The following CYP2C18 variants were observed in gnomAD, a reference collection of about 807,000 sequenced individuals.
CYP2C18 encodes cytochrome P450 2C18.
CYP2C18 carries 38 observed loss-of-function variants against 41.3 expected under a neutral mutation model. That is an observed-to-expected ratio of 0.92 (90% CI 0.71 to 1.21). The LOEUF is 1.21. Ranked by LOEUF, CYP2C18 falls within the 50% of genes most tolerant of loss-of-function variation. The pLI is 0.00. For missense variants in CYP2C18, 635 were observed against 591.4 expected (o/e 1.07, Z -0.77); for synonymous variants, 236 against 210.0 (o/e 1.12, Z -1.07).
intron 8 of CYP2C18, among the ~76,000 whole-genome samples, chr10:94,734,322 T>A (rs1380814986): frequency 6.6e-6 from 1 of 152,172 alleles, no homozygotes; most frequent in Non-Finnish European, 1.5e-5. Context: ...CTTCATTTTT[T>A]CCTCTGGCTT....
At position 94,690,453 on chromosome 10, in the gene CYP2C18, C is replaced by T. The variant is rs544122470; in HGVS notation, c.481+2179C>T. Among the ~76,000 whole-genome samples the T allele has an allele frequency of 3.4e-3, 513 of 152,194 alleles. 1 individual carries two copies. The highest frequency in any genetic ancestry group is 0.012 in the African/African-American group (496 of 41,526). On this transcript the variant is annotated intron_variant, in intron 3 of 8. Coordinates refer to ENST00000285979, the MANE Select transcript of CYP2C18 (RefSeq NM_000772.3). Reference sequence around the variant, plus strand: ...ATCTAGAAGAAATGGATAAATTTCTCGACACATACACTCTCCCAAGACTAA... The same window carrying T: ...ATCTAGAAGAAATGGATAAATTTCTTGACACATACACTCTCCCAAGACTAA...
chr10:94,688,239 C>T lies in CYP2C18; in HGVS notation c.446C>T (p.Ala149Val), dbSNP rs1466095186. The change falls in exon 3 of 9, where the codon GCC (alanine) becomes GTC (valine). Residue 149 changes from alanine to valine, a missense_variant. Coordinates refer to ENST00000285979, the MANE Select transcript of CYP2C18 (RefSeq NM_000772.3). ...ATCGAGGACCGTGTTCAAGAGGAAGCCCGCTGCCTTGTGGAGGAGTTGAGA... is the reference window on the plus strand; with the variant it reads ...ATCGAGGACCGTGTTCAAGAGGAAGTCCGCTGCCTTGTGGAGGAGTTGAGA... ...RSIEDRVQEE[A>V]RCLVEELRKT... 1 of 1,613,106 alleles carries T rather than the reference C, an allele frequency of 6.2e-7. No individual in the cohort carries two copies. The highest frequency in any genetic ancestry group is 1.7e-4 in the Middle Eastern group (1 of 6,040).
At chr10:94,729,546 G>A (rs1241396468) in intron 7 of CYP2C18, among the ~76,000 whole-genome samples, 1 of 151,924 alleles carries the variant, frequency 6.6e-6, no homozygotes, top group Non-Finnish European at 1.5e-5. Context: ...TAGAAACAAG[G>A]AAACAAAACA....
chr10:94,735,130 G>T, intron 8 of CYP2C18, 133 bp from the exon 9 acceptor site: 2 of 887,020 alleles, frequency 2.3e-6, no homozygotes, highest in Non-Finnish European at 3.5e-6. Flanking sequence ...TGTGTATCCA[G>T]CCATCCTTCC....
intron 1 of CYP2C18, 110 bp from the exon 2 acceptor site, chr10:94,687,660 A>G: frequency 1.0e-6 from 1 of 1,002,826 alleles, no homozygotes; most frequent in South Asian, 1.6e-5. Flanking sequence ...GCTGTATTTG[A>G]CAGAATAATC....
intron 4 of CYP2C18, among the ~76,000 whole-genome samples, chr10:94,701,082 A>C (rs1224299412): frequency 6.6e-6 from 1 of 152,196 alleles, no homozygotes; most frequent in East Asian, 1.9e-4. Context: ...TGATCTAGAA[A>C]TAGAAGTACC....
chr10:94,692,347 C>G (rs989028025), intron 3 of CYP2C18, among the ~76,000 whole-genome samples: 10 of 151,930 alleles, frequency 6.6e-5, no homozygotes, highest in Non-Finnish European at 1.3e-4. Context: ...AGATCCCCAT[C>G]AAAAAGTGGG....
intron 8 of CYP2C18, 44 bp downstream of exon 8, chr10:94,733,482 C>A (rs768706552): frequency 6.2e-7 from 1 of 1,607,444 alleles, no homozygotes; most frequent in Non-Finnish European, 8.5e-7. Context: ...GCACATGATA[C>A]CTTTTTGGGA....
chr10:94,697,996 C>T (rs1016115515), intron 4 of CYP2C18, among the ~76,000 whole-genome samples: 4 of 152,132 alleles, frequency 2.6e-5, no homozygotes, highest in African/African-American at 9.7e-5. Context: ...CCTTAGAGAC[C>T]TACGAAGAGA....
chr10:94,701,746 A>T (rs891961327), intron 4 of CYP2C18, among the ~76,000 whole-genome samples: 1 of 152,208 alleles, frequency 6.6e-6, no homozygotes, highest in African/African-American at 2.4e-5. Flanking sequence ...ACTTTCTGTC[A>T]TCTTGTCCAA....
At chr10:94,725,500 G>C (rs1847725031) in intron 7 of CYP2C18, among the ~76,000 whole-genome samples, 1 of 151,990 alleles carries the variant, frequency 6.6e-6, no homozygotes, top group African/African-American at 2.4e-5. Flanking sequence ...TTCCAGGACA[G>C]CGTTGAATAA....
At chr10:94,734,764 C>G (rs1397869572) in intron 8 of CYP2C18, among the ~76,000 whole-genome samples, 1 of 152,130 alleles carries the variant, frequency 6.6e-6, no homozygotes, top group Admixed American at 6.6e-5. Flanking sequence ...GCCATTTGGC[C>G]TTTATCCCAT....
intron 7 of CYP2C18, 95 bp downstream of exon 7, chr10:94,724,628 G>A: frequency 8.1e-7 from 1 of 1,231,052 alleles, no homozygotes; most frequent in South Asian, 1.3e-5. Context: ...GATGAGAGAA[G>A]TGTAAAATTC....
intron 4 of CYP2C18, among the ~76,000 whole-genome samples, chr10:94,699,718 T>C (rs767914348): frequency 1.1e-4 from 16 of 152,100 alleles, no homozygotes; most frequent in Admixed American, 5.2e-4. Flanking sequence ...GATTGTATAT[T>C]TAGAAAACCC....
intron 5 of CYP2C18, among the ~76,000 whole-genome samples, chr10:94,714,738 G>C (rs1036656685): frequency 1.3e-5 from 2 of 152,080 alleles, no homozygotes; most frequent in Admixed American, 1.3e-4. Flanking sequence ...GCTTGATGGG[G>C]ATGGCATTGA....
chr10:94,706,826 A>T lies in CYP2C18; in HGVS notation c.685A>T (p.Ser229Cys). 1 of 1,605,524 alleles carries T rather than the reference A, an allele frequency of 6.2e-7. No homozygotes were observed. Among genetic ancestry groups the T allele is most frequent in the African/African-American group, 1.3e-5 (1 of 74,810 alleles). ...TGCTCTCATCGATTATCTCCCAGGA[A>T]GTCATAATAAAATAGCTGAAAATTT... Reference protein sequence around the residue: ...FPALIDYLPGSHNKIAENFAY... With the variant: ...FPALIDYLPGCHNKIAENFAY... The change falls in exon 5 of 9, where the codon AGT (serine) becomes TGT (cysteine). Residue 229 changes from serine to cysteine, a missense_variant. Physicochemically the swap from Ser to Cys is moderately radical, Grantham distance 112. Coordinates refer to ENST00000285979, the MANE Select transcript of CYP2C18 (RefSeq NM_000772.3).
chr10:94,709,671 T>C (rs1253104102), intron 5 of CYP2C18, among the ~76,000 whole-genome samples: 1 of 152,188 alleles, frequency 6.6e-6, no homozygotes, highest in African/African-American at 2.4e-5. Flanking sequence ...AAGAAATGAT[T>C]TCTTAGTCCA....
intron 7 of CYP2C18, among the ~76,000 whole-genome samples, chr10:94,728,945 G>A (rs561988448): frequency 2.0e-5 from 3 of 152,120 alleles, no homozygotes; most frequent in African/African-American, 7.2e-5. Context: ...ACAGCATCAA[G>A]TTTTCCAAAA....
At chr10:94,707,065 TACC>T in intron 5 of CYP2C18, 105 bp downstream of exon 5, 1 of 876,198 alleles carries the variant, frequency 1.1e-6, no homozygotes, top group Non-Finnish European at 1.8e-6. Flanking sequence ...TTTATGTACT[TACC>T]ATGTGTATAG....
Sources: gnomAD v4.1 joint callset for allele counts (sites outside exome capture counted in the v4.1 genomes callset) on GRCh38, gnomAD v4.1.1 for gene constraint, MANE v1.5 for transcripts, NCBI Gene and HGNC (gene_info 2026-07-23, HGNC 2026-07-21) for gene names.